The following RAB31 variants were observed in gnomAD, a reference collection of about 807,000 sequenced individuals.
RAB31 encodes the protein RAB31, member RAS oncogene family, also known as ras-related protein Rab-31.
RAB31 carries 21 observed loss-of-function variants against 25.6 expected under a neutral mutation model. The ratio of observed to expected loss-of-function variants is 0.82; its 90% CI spans 0.58 to 1.18. The LOEUF is 1.18. Ranked by LOEUF, RAB31 falls within the 50% of genes most tolerant of loss-of-function variation. The pLI, the probability that RAB31 is intolerant of heterozygous loss-of-function variation, is 0.00. For synonymous variants in RAB31, 87 were observed against 84.0 expected (o/e 1.04, Z -0.20); for missense variants, 196 against 250.1 (o/e 0.78, Z 1.46).
At chr18:9,823,561 G>C (rs1321400452) in intron 5 of RAB31, among the ~76,000 whole-genome samples, 1 of 152,138 alleles carries the variant, frequency 6.6e-6, no homozygotes, top group African/African-American at 2.4e-5. Flanking sequence ...TCTTACAACT[G>C]CATGTAAACG....
chr18:9,817,248 G>T (rs2284143), intron 5 of RAB31, among the ~76,000 whole-genome samples: 14,127 of 152,124 alleles, frequency 0.093, 943 homozygotes, highest in East Asian at 0.31. Flanking sequence ...GCGCCTTTAA[G>T]TGGAACCGAG....
Position 9,825,789 on chromosome 18 carries a change from C to G in RAB31, c.380+10567C>G, listed in dbSNP as rs142113137. Among the ~76,000 whole-genome samples, 577 of 152,348 alleles carry G rather than the reference C, an allele frequency of 3.8e-3. 4 individuals are homozygous for G. The highest frequency in any genetic ancestry group is 3.5e-3 in the Non-Finnish European group (238 of 68,036). On this transcript the variant is annotated intron_variant, in intron 5 of 6. Coordinates refer to ENST00000578921, the MANE Select transcript of RAB31 (RefSeq NM_006868.4). ...GAGAATGAAAACAATGACTCATCAT[C>G]TTTCAGGATTCAAAAGTGTCACCCA...
intron 1 of RAB31, among the ~76,000 whole-genome samples, chr18:9,731,309 G>T (rs1238539664): frequency 6.6e-6 from 1 of 152,096 alleles, no homozygotes; most frequent in African/African-American, 2.4e-5. Context: ...GCTTCCCTTG[G>T]TCTTTTCTTC....
intron 1 of RAB31, among the ~76,000 whole-genome samples, chr18:9,724,936 A>G (rs2068090288): frequency 6.6e-6 from 1 of 152,130 alleles, no homozygotes; most frequent in African/African-American, 2.4e-5. Context: ...GGCTCAGATG[A>G]GCAGTGGTTA....
chr18:9,795,651 A>G (rs1251872462), intron 3 of RAB31, among the ~76,000 whole-genome samples: 11 of 152,000 alleles, frequency 7.2e-5, no homozygotes, highest in African/African-American at 1.2e-4. Context: ...ATCACTAATT[A>G]TCAGGGAAAT....
chr18:9,808,728 C>T (rs577590922), intron 3 of RAB31, among the ~76,000 whole-genome samples: 175 of 152,296 alleles, frequency 1.1e-3, no homozygotes, highest in Admixed American at 1.9e-3. Flanking sequence ...CGAGCCTGAG[C>T]GACTCAACAG....
intron 6 of RAB31, among the ~76,000 whole-genome samples, chr18:9,857,297 A>G (rs2068821207): frequency 6.6e-6 from 1 of 152,146 alleles, no homozygotes; most frequent in Non-Finnish European, 1.5e-5. Flanking sequence ...TTACCTTTGA[A>G]ATCAACTCTT....
intron 6 of RAB31, among the ~76,000 whole-genome samples, chr18:9,850,756 C>T (rs905142533): frequency 6.6e-6 from 1 of 152,158 alleles, no homozygotes; most frequent in African/African-American, 2.4e-5. Context: ...GTCCCAGCTA[C>T]TCTGGAGACT....
At chr18:9,792,840 C>T (rs561983096) in intron 3 of RAB31, among the ~76,000 whole-genome samples, 1 of 152,246 alleles carries the variant, frequency 6.6e-6, no homozygotes, top group South Asian at 2.1e-4. Context: ...TTCAGGAAGT[C>T]AGGTAGGCTT....
chr18:9,739,873 G>A (rs1476385868), intron 1 of RAB31, among the ~76,000 whole-genome samples: 2 of 152,206 alleles, frequency 1.3e-5, no homozygotes, highest in Admixed American at 6.5e-5. Flanking sequence ...AAAACTCAGG[G>A]TTCTTTTTCT....
At chr18:9,857,215 A>G (rs1437726872) in intron 6 of RAB31, among the ~76,000 whole-genome samples, 1 of 152,090 alleles carries the variant, frequency 6.6e-6, no homozygotes, top group Non-Finnish European at 1.5e-5. Context: ...TTGGAGTTAA[A>G]TGCTGGTGAC....
In RAB31 at chr18:9,708,563, G is replaced by GC; in HGVS notation, c.39+124dup. The GC allele has an allele frequency of 1.1e-6, 1 of 889,588 alleles. No homozygotes were observed. The highest frequency in any genetic ancestry group is 3.2e-5 in the East Asian group (1 of 31,072). 55.1% of individuals were successfully genotyped at this position (889,588 alleles called of 1,614,324 possible). A position where few individuals can be genotyped will look rare whatever the true frequency, so the allele number is the denominator to read the frequency against. ...CCTCGCTCTCCGCACCCCTCTCGTA[G>GC]CCCCCGTCCCCCTCGTCCGCGCGCC... On this transcript the variant is annotated intron_variant, in intron 1 of 6. Transcript: ENST00000578921. This position sits in a 1 kb window ranked among gnomAD's most constrained non-coding sequence, Gnocchi z 6.4.
In RAB31 at chr18:9,769,047, G is replaced by A. The variant is rs141442903; in HGVS notation, c.40-6231G>A. ...TCTGGGGCCTCTGTTCTGTTCCATT[G>A]GTCTATATATCTGTTTTCATACCAG... On this transcript the variant is annotated intron_variant, in intron 1 of 6. Coordinates refer to ENST00000578921, the MANE Select transcript of RAB31 (RefSeq NM_006868.4). Among the ~76,000 whole-genome samples, 534 of 152,198 alleles carry A rather than the reference G, an allele frequency of 3.5e-3. 4 individuals are homozygous for A. The highest frequency in any genetic ancestry group is 0.012 in the African/African-American group (509 of 41,530).
At chr18:9,727,823 T>C (rs1282099393) in intron 1 of RAB31, among the ~76,000 whole-genome samples, 4 of 152,268 alleles carry the variant, frequency 2.6e-5, no homozygotes, top group Admixed American at 2.6e-4. Flanking sequence ...ATGTCCACTT[T>C]TAAGGTATGC....
intron 1 of RAB31, among the ~76,000 whole-genome samples, chr18:9,772,214 G>A (rs986542264): frequency 5.3e-5 from 8 of 151,758 alleles, no homozygotes; most frequent in Admixed American, 1.3e-4. Flanking sequence ...TCAGACCAGC[G>A]CCCCCACCGA....
intron 3 of RAB31, among the ~76,000 whole-genome samples, chr18:9,800,669 T>A (rs1037893859): frequency 6.6e-6 from 1 of 152,200 alleles, no homozygotes; most frequent in Non-Finnish European, 1.5e-5. Flanking sequence ...AACTTTCATC[T>A]TTTCTGGATA....
At chr18:9,720,629 C>A (rs1351760412) in intron 1 of RAB31, among the ~76,000 whole-genome samples, 1 of 150,182 alleles carries the variant, frequency 6.7e-6, no homozygotes, top group African/African-American at 2.4e-5. Context: ...AGAGTGGTTA[C>A]CTGCCTGGTG....
chr18:9,742,019 G>C (rs891648033), intron 1 of RAB31, among the ~76,000 whole-genome samples: 1 of 152,174 alleles, frequency 6.6e-6, no homozygotes, highest in Admixed American at 6.5e-5. Flanking sequence ...GTCTCACGCT[G>C]TCCCCAGCCC....
At chr18:9,714,922 G>A (rs78926905) in intron 1 of RAB31, among the ~76,000 whole-genome samples, 16,356 of 152,212 alleles carry the variant, frequency 0.11, 959 homozygotes, top group African/African-American at 0.14. Flanking sequence ...CTGTCATCCC[G>A]CTTAGTAGAC....
Sources: allele counts gnomAD v4.1 joint callset (sites outside exome capture counted in the v4.1 genomes callset), GRCh38; gene constraint gnomAD v4.1.1; non-coding constraint Gnocchi (gnomAD v3.1); transcripts MANE v1.5; gene names NCBI Gene and HGNC (gene_info 2026-07-23, HGNC 2026-07-21).